The following NRCAM variants were observed in gnomAD, a reference collection of about 807,000 sequenced individuals.
NRCAM encodes the protein NgCAM-related cell adhesion molecule.
In NRCAM, 83 loss-of-function variants were observed where a neutral mutation model predicts 156.5. That is an observed-to-expected ratio of 0.53 (90% CI 0.44 to 0.64). The LOEUF (loss-of-function observed/expected upper bound fraction) is 0.64. Ranked by LOEUF, NRCAM falls within the 30% of genes least tolerant of loss-of-function variation. The probability of loss-of-function intolerance (pLI) is 0.00; values close to 1 mark genes in which losing one functional copy is unlikely to be tolerated. For synonymous variants in NRCAM, 538 were observed against 563.9 expected (o/e 0.95, Z 0.65); for missense variants, 1,417 against 1,597.3 (o/e 0.89, Z 1.92).
intron 28 of NRCAM, among the ~76,000 whole-genome samples, chr7:108,171,839 T>C (rs565508386): frequency 6.6e-6 from 1 of 152,326 alleles, no homozygotes; most frequent in African/African-American, 2.4e-5. Context: ...GTTGAACTGA[T>C]TGAAACTTCT....
intron 3 of NRCAM, among the ~76,000 whole-genome samples, chr7:108,242,189 T>C (rs2153816463): frequency 6.9e-6 from 1 of 144,070 alleles, no homozygotes; most frequent in African/African-American, 2.6e-5. Context: ...GTGGGAAAAT[T>C]GCTTAGCTGC....
chr7:108,299,587 T>C (rs1461198008), intron 3 of NRCAM, among the ~76,000 whole-genome samples: 1 of 152,238 alleles, frequency 6.6e-6, no homozygotes, highest in Non-Finnish European at 1.5e-5. Context: ...TTCTCTGCAA[T>C]GCACACAAAC....
At chr7:108,330,248 C>A (rs1376467348) in intron 2 of NRCAM, among the ~76,000 whole-genome samples, 2 of 152,096 alleles carry the variant, frequency 1.3e-5, no homozygotes, top group Non-Finnish European at 2.9e-5. Context: ...GTTAGCTATT[C>A]CCACAGGTAT....
Position 108,234,670 on chromosome 7 carries a change from A to G in NRCAM, c.143T>C (p.Ile48Thr). ...LLEDLVQPPT[I>T]TQQSPKDYII... The stretch of plus-strand genomic sequence containing the variant: ...GTAATCTTTTGGAGACTGTTGGGTG[A>G]TGGTTGGAGGCTGTACCACTTAATT... The change falls in exon 6 of 33, where the codon ATC becomes ACC. Residue 48 changes from isoleucine (I) to threonine (T), a missense_variant. Ile to Thr is a moderately conservative substitution (Grantham distance 89). Around this residue, in one of 2 missense-constraint regions of NRCAM, gnomAD observed 1,238 missense variants for 1,336.4 expected, o/e 0.93. Transcript: ENST00000379028. 1 of 1,606,904 alleles carries G rather than the reference A, an allele frequency of 6.2e-7. No homozygotes were observed. Among genetic ancestry groups the G allele is most frequent in the Non-Finnish European group, 8.5e-7 (1 of 1,173,838 alleles).
At chr7:108,415,598 A>G (rs1028887139) in intron 1 of NRCAM, among the ~76,000 whole-genome samples, 1 of 152,146 alleles carries the variant, frequency 6.6e-6, no homozygotes, top group Admixed American at 6.6e-5. Flanking sequence ...AAAGGAGAAG[A>G]AGGCCGGGCG....
chr7:108,307,951 G>A (rs1200238455), intron 3 of NRCAM, among the ~76,000 whole-genome samples: 1 of 152,174 alleles, frequency 6.6e-6, no homozygotes, highest in Non-Finnish European at 1.5e-5. Flanking sequence ...AGTACCATGT[G>A]GACCTGAACA....
chr7:108,421,925 T>C (rs1008568629), intron 1 of NRCAM, among the ~76,000 whole-genome samples: 2 of 152,228 alleles, frequency 1.3e-5, no homozygotes, highest in African/African-American at 4.8e-5. Flanking sequence ...GCAAAAGATC[T>C]GACTAGCAGA....
chr7:108,363,252 T>C (rs2154323996), intron 2 of NRCAM, among the ~76,000 whole-genome samples: 1 of 152,278 alleles, frequency 6.6e-6, no homozygotes, highest in Admixed American at 6.5e-5. Context: ...TACTCCACCC[T>C]CAAGGAGGTA....
intron 28 of NRCAM, among the ~76,000 whole-genome samples, chr7:108,172,454 C>A (rs1340457664): frequency 6.6e-6 from 1 of 152,158 alleles, no homozygotes; most frequent in African/African-American, 2.4e-5. Flanking sequence ...TACTACCACG[C>A]CTGGCTAATT....
intron 11 of NRCAM, among the ~76,000 whole-genome samples, chr7:108,217,563 T>C (rs1486895736): frequency 6.6e-6 from 1 of 152,208 alleles, no homozygotes; most frequent in African/African-American, 2.4e-5. Flanking sequence ...AGATGGGACT[T>C]TGATCTATAA....
At chr7:108,271,468 C>T (rs1355488047) in intron 3 of NRCAM, among the ~76,000 whole-genome samples, 2 of 152,206 alleles carry the variant, frequency 1.3e-5, no homozygotes, top group African/African-American at 4.8e-5. Context: ...GAGGCTAACG[C>T]GGGCAGATCA....
chr7:108,312,490 T>C (rs1431473954), intron 3 of NRCAM, among the ~76,000 whole-genome samples, 175 bp downstream of exon 3: 1 of 152,196 alleles, frequency 6.6e-6, no homozygotes, highest in Non-Finnish European at 1.5e-5. Flanking sequence ...CTATCTTCTT[T>C]GACATTGGTA....
At chr7:108,304,924 T>G (rs760064867) in intron 3 of NRCAM, among the ~76,000 whole-genome samples, 17 of 152,230 alleles carry the variant, frequency 1.1e-4, no homozygotes, top group Non-Finnish European at 2.4e-4. Flanking sequence ...TATTATAATG[T>G]AGGTATTTGA....
At chr7:108,288,746 A>G (rs1310632948) in intron 3 of NRCAM, among the ~76,000 whole-genome samples, 1 of 152,110 alleles carries the variant, frequency 6.6e-6, no homozygotes, top group South Asian at 2.1e-4. Context: ...CTTTCCAGTA[A>G]CAGTAGGGAA....
chr7:108,348,189 G>A (rs138283142), intron 2 of NRCAM, among the ~76,000 whole-genome samples: 1 of 152,290 alleles, frequency 6.6e-6, no homozygotes, highest in East Asian at 1.9e-4. Flanking sequence ...GAAAAAGATA[G>A]ATTTAAGATG....
At chr7:108,257,373 A>G (rs947360209) in intron 3 of NRCAM, among the ~76,000 whole-genome samples, 1 of 152,214 alleles carries the variant, frequency 6.6e-6, no homozygotes, top group African/African-American at 2.4e-5. Context: ...TAAATAAGAA[A>G]GTTAACTGGA....
At position 108,196,460 on chromosome 7, in the gene NRCAM, T is replaced by A. The variant is rs111636617; in HGVS notation, c.1352-588A>T. On this transcript the variant is annotated intron_variant, in intron 14 of 32. Coordinates refer to ENST00000379028, the MANE Select transcript of NRCAM (RefSeq NM_001037132.4). ...CTGGTAAGGGGTTAATACCAAAATA[T>A]ATAAAGAACTCAAATAATTCAATAG... Among the ~76,000 whole-genome samples the A allele has an allele frequency of 7.6e-3, 1,154 of 152,224 alleles. 15 individuals are homozygous for A. Among genetic ancestry groups the A allele is most frequent in the African/African-American group, 0.026 (1,100 of 41,538 alleles).
In NRCAM at chr7:108,177,667, ACGTG is replaced by A. The variant is rs560218253; in HGVS notation, c.2974+319_2974+322del. Among the ~76,000 whole-genome samples, 17 of 18,790 alleles carry A rather than the reference ACGTG, an allele frequency of 9.0e-4. 1 individual carries two copies. Among genetic ancestry groups the A allele is most frequent in the African/African-American group, 1.3e-3 (15 of 11,152 alleles). The allele number at this position is 18,790 out of a possible 152,430, so 12.3% of individuals were successfully genotyped here. On this transcript the variant is annotated intron_variant, in intron 26 of 32. Transcript: ENST00000379028. ...TATATATATATATATATATGTATATACGTGTATATATATACGTGTATATATATAT... is the reference window on the plus strand; with the variant it reads ...TATATATATATATATATATGTATATATATATATATACGTGTATATATATAT...
Position 108,394,824 on chromosome 7 carries a change from G to A in NRCAM, c.-174+4612C>T, listed in dbSNP as rs546223654. 3.9e-5 allele frequency among the ~76,000 whole-genome samples: 6 copies of A among 152,084 alleles called. No homozygotes were observed. In the East Asian group the frequency reaches 1.2e-3, roughly 29 times the overall value. On this transcript the variant is annotated intron_variant, in intron 2 of 32. Transcript: ENST00000379028. ...TTTTATCCTCAATCTTTCCTCATAG[G>A]TCTTATATATTAAAAGATATAATTG...
Sources: allele counts gnomAD v4.1 joint callset (sites outside exome capture counted in the v4.1 genomes callset), GRCh38; gene constraint gnomAD v4.1.1; regional missense constraint gnomAD v4.1.1; transcripts MANE v1.5; gene names NCBI Gene and HGNC (gene_info 2026-07-23, HGNC 2026-07-21).